The following LUZP2 variants were observed in gnomAD, a reference collection of about 807,000 sequenced individuals.
LUZP2 encodes leucine zipper protein 2.
A neutral mutation model predicts 51.6 loss-of-function variants in LUZP2; 52 were observed. That is an observed-to-expected ratio of 1.01 (90% CI 0.81 to 1.27). The LOEUF is 1.27. Among genes scored for constraint, LUZP2 ranks in the 50% most tolerant of loss-of-function variants. The pLI is 0.00. For missense variants in LUZP2, 436 were observed against 395.4 expected (o/e 1.10, Z -0.87); for synonymous variants, 154 against 137.3 (o/e 1.12, Z -0.85).
chr11:24,626,696 G>A (rs958881746), intron 1 of LUZP2, among the ~76,000 whole-genome samples: 4 of 152,156 alleles, frequency 2.6e-5, no homozygotes, highest in Admixed American at 1.3e-4. Flanking sequence ...AATCAACTCT[G>A]TGGGCTAACA....
chr11:24,875,760 A>C (rs900684560), intron 5 of LUZP2, among the ~76,000 whole-genome samples: 2 of 152,072 alleles, frequency 1.3e-5, no homozygotes, highest in African/African-American at 2.4e-5. Context: ...CCTCTCCAGC[A>C]CCTGTTGTTT....
intron 5 of LUZP2, among the ~76,000 whole-genome samples, chr11:24,852,589 G>T (rs950806884): frequency 6.7e-6 from 1 of 149,164 alleles, no homozygotes; most frequent in Admixed American, 6.7e-5. Context: ...TGTTGAGTTG[G>T]GGTGGAGAAT....
intron 1 of LUZP2, among the ~76,000 whole-genome samples, chr11:24,686,236 ATTGGCT>A (rs541936915): frequency 5.5e-5 from 8 of 145,412 alleles, no homozygotes; most frequent in African/African-American, 1.9e-4. Flanking sequence ...AAAAAAAAAA[ATTGGCT>A]AAGTTGCTTA....
At chr11:25,005,540 A>G (rs1262822178) in intron 9 of LUZP2, among the ~76,000 whole-genome samples, 1 of 152,096 alleles carries the variant, frequency 6.6e-6, no homozygotes, top group Non-Finnish European at 1.5e-5. Flanking sequence ...ATTGGTCCCA[A>G]TGACTTAGGA....
At chr11:24,685,975 A>G (rs1406237903) in intron 1 of LUZP2, among the ~76,000 whole-genome samples, 2 of 152,204 alleles carry the variant, frequency 1.3e-5, no homozygotes, top group Non-Finnish European at 2.9e-5. Flanking sequence ...GTTGAACTAG[A>G]AATGAGGAGT....
intron 1 of LUZP2, among the ~76,000 whole-genome samples, chr11:24,561,979 T>A (rs959631933): frequency 1.1e-4 from 16 of 152,044 alleles, no homozygotes; most frequent in African/African-American, 3.6e-4. Context: ...AAAGTAGATG[T>A]TTTTTATATG....
At chr11:24,643,254 CAAAA>C (rs570616833) in intron 1 of LUZP2, among the ~76,000 whole-genome samples, 1 of 75,726 alleles carries the variant, frequency 1.3e-5, no homozygotes, top group Non-Finnish European at 2.5e-5. Context: ...ACTAAAAGTA[CAAAA>C]AAAAAAAAAA....
chr11:24,703,974 T>A (rs1388846633), intron 1 of LUZP2, among the ~76,000 whole-genome samples: 1 of 152,236 alleles, frequency 6.6e-6, no homozygotes, highest in African/African-American at 2.4e-5. Flanking sequence ...TTATGTAATT[T>A]GAATTATAGA....
At chr11:24,515,555 A>G (rs1850438075) in intron 1 of LUZP2, among the ~76,000 whole-genome samples, 1 of 152,172 alleles carries the variant, frequency 6.6e-6, no homozygotes, top group African/African-American at 2.4e-5. Context: ...AAGTGCAAAG[A>G]GTAAAGTTTC....
chr11:24,820,169 C>G (rs572039712), intron 5 of LUZP2, among the ~76,000 whole-genome samples: 1 of 152,242 alleles, frequency 6.6e-6, no homozygotes, highest in South Asian at 2.1e-4. Flanking sequence ...TGAACGCATA[C>G]AGTGACAAAA....
At chr11:25,043,246 T>G (rs1012570586) in intron 9 of LUZP2, among the ~76,000 whole-genome samples, 3 of 152,184 alleles carry the variant, frequency 2.0e-5, no homozygotes, top group Admixed American at 6.6e-5. Context: ...CTGAATAGCC[T>G]TAATATCATC....
intron 5 of LUZP2, among the ~76,000 whole-genome samples, chr11:24,781,273 G>A (rs1016760067): frequency 2.0e-5 from 3 of 151,960 alleles, no homozygotes; most frequent in African/African-American, 7.2e-5. Context: ...TCAACCATCA[G>A]CTGAAACATT....
At chr11:24,521,561 A>T (rs1222008705) in intron 1 of LUZP2, among the ~76,000 whole-genome samples, 1 of 152,076 alleles carries the variant, frequency 6.6e-6, no homozygotes, top group East Asian at 1.9e-4. Flanking sequence ...CTTACAGTAT[A>T]CCTACTTCAT....
At chr11:24,968,482 T>A (rs1193482964) in intron 7 of LUZP2, among the ~76,000 whole-genome samples, 1 of 152,146 alleles carries the variant, frequency 6.6e-6, no homozygotes, top group Non-Finnish European at 1.5e-5. Context: ...GCCTGTGGTA[T>A]TAAGAGTTTA....
chr11:24,821,790 G>C (rs907057136), intron 5 of LUZP2, among the ~76,000 whole-genome samples: 7 of 151,854 alleles, frequency 4.6e-5, no homozygotes, highest in African/African-American at 1.7e-4. Context: ...GGGAACTGTA[G>C]TTGAGGTATA....
At chr11:24,873,045 C>A (rs1852132510) in intron 5 of LUZP2, among the ~76,000 whole-genome samples, 1 of 152,156 alleles carries the variant, frequency 6.6e-6, no homozygotes, top group South Asian at 2.1e-4. Flanking sequence ...CTTGTCTAAT[C>A]AGCAATGTAC....
chr11:25,008,739 G>A (rs1002793397), intron 9 of LUZP2, among the ~76,000 whole-genome samples: 1 of 152,102 alleles, frequency 6.6e-6, no homozygotes, highest in Non-Finnish European at 1.5e-5. Context: ...AGAAAAGCTC[G>A]CCACCATGAG....
intron 1 of LUZP2, among the ~76,000 whole-genome samples, chr11:24,546,864 T>C (rs1298483634): frequency 6.6e-6 from 1 of 152,092 alleles, no homozygotes; most frequent in African/African-American, 2.4e-5. Flanking sequence ...CTCTTCTTTG[T>C]ACATCTGGTA....
intron 1 of LUZP2, among the ~76,000 whole-genome samples, chr11:24,505,105 G>A: frequency 6.6e-6 from 1 of 152,090 alleles, no homozygotes; most frequent in East Asian, 1.9e-4. Flanking sequence ...TATTGGTAAG[G>A]GCTAAATCAG....
Sources: allele counts gnomAD v4.1 joint callset (sites outside exome capture counted in the v4.1 genomes callset), GRCh38; gene constraint gnomAD v4.1.1; transcripts MANE v1.5; gene names NCBI Gene and HGNC (gene_info 2026-07-23, HGNC 2026-07-21).